Variants in IGFN1 observed in about 807,000 individuals in gnomAD.
IGFN1 encodes the protein immunoglobulin like and fibronectin type III domain containing 1.
IGFN1 carries 253 observed loss-of-function variants against 289.5 expected under a neutral mutation model. The ratio of observed to expected loss-of-function variants is 0.87; its 90% CI spans 0.79 to 0.97. The LOEUF (loss-of-function observed/expected upper bound fraction) is 0.97. Among genes scored for constraint, IGFN1 ranks in the 50% least tolerant of loss-of-function variants. The pLI, the probability that IGFN1 is intolerant of heterozygous loss-of-function variation, is 0.00. For synonymous variants in IGFN1, 1,706 were observed against 1,788.5 expected (o/e 0.95, Z 1.16); for missense variants, 4,470 against 4,686.1 (o/e 0.95, Z 1.35).
rs1667428347 is a variant in IGFN1 at position 201,206,487 on chromosome 1, G to A, written c.1594G>A (p.Gly532Arg). 1 of 1,551,298 alleles carries A rather than the reference G, an allele frequency of 6.4e-7. No individual in the cohort carries two copies. Among genetic ancestry groups the A allele is most frequent in the Admixed American group, 2.0e-5 (1 of 50,988 alleles). ...PHLQGESSES[G>R]LGLPEKQQQD... is the part of the protein sequence containing the mutation. ...TCTACAGGGAGAGAGCTCAGAATCAGGGTTGGGCCTCCCAGAAAAACAACA... is the reference window on the plus strand; with the variant it reads ...TCTACAGGGAGAGAGCTCAGAATCAAGGTTGGGCCTCCCAGAAAAACAACA... Residue 532 changes from glycine to arginine, a missense_variant, in exon 12 of 24, where the codon GGG becomes AGG. By Grantham distance (125) the Gly-to-Arg change is moderately radical. Transcript: ENST00000335211.
In IGFN1 at chr1:201,222,694, A is replaced by C. The variant is rs374824614; in HGVS notation, c.10202-45A>C. ...GCTGGGGACCTGGGGCTGGGGTCCA[A>C]CTGTGAGGGAGGAGGGAGGTAACCA... On this transcript the variant is annotated intron_variant, in intron 19 of 23. Transcript: ENST00000335211. The C allele has an allele frequency of 2.2e-4, 316 of 1,453,818 alleles. 1 individual carries two copies. The Middle Eastern group carries it at 3.0e-3, about 14-fold the overall frequency. The allele number at this position is 1,453,818 out of a possible 1,614,324, so 90.1% of individuals were successfully genotyped here.
At position 201,211,634 on chromosome 1, in the gene IGFN1, G is replaced by A. The variant is rs371152148; in HGVS notation, c.6741G>A (p.Glu2247=). 155 of 1,536,856 alleles carry A rather than the reference G, an allele frequency of 1.0e-4. No individual in the cohort carries two copies. In the African/African-American group the frequency reaches 1.9e-3, roughly 19 times the overall value. Residue 2247 remains glutamate, a synonymous_variant, in exon 12 of 24, where the codon GAG becomes GAA. Coordinates refer to ENST00000335211, the MANE Select transcript of IGFN1 (RefSeq NM_001164586.2). ...GSSGEMGSMD[E]ADYRKDLGAP... is the part of the protein sequence containing the mutation. ...CTGGGGAAATGGGGTCAATGGATGA[G>A]GCAGATTATAGGAAGGATTTGGGAG...
rs1461141651 is a variant in IGFN1 at position 201,207,861 on chromosome 1, G to A, written c.2968G>A (p.Gly990Ser). The change falls in exon 12 of 24, where the codon GGT becomes AGT. Residue 990 changes from glycine (G) to serine (S), a missense_variant. By Grantham distance (56) the Gly-to-Ser change is moderately conservative. Transcript: ENST00000335211. ...PGEMGSGHGA[G>S]CRVSPRAPAG... Reference sequence around the variant, plus strand: ...AGAAATGGGGTCCGGCCATGGTGCTGGTTGTAGAGTTTCCCCTAGGGCACC... The same window carrying A: ...AGAAATGGGGTCCGGCCATGGTGCTAGTTGTAGAGTTTCCCCTAGGGCACC... 1 of 1,536,292 alleles carries A rather than the reference G, an allele frequency of 6.5e-7. No homozygotes were observed. The highest frequency in any genetic ancestry group is 2.0e-5 in the Admixed American group (1 of 50,946).
intron 9 of IGFN1, among the ~76,000 whole-genome samples, 180 bp from the exon 10 acceptor site, chr1:201,203,558 G>C (rs565732233): frequency 1.3e-5 from 2 of 152,304 alleles, no homozygotes; most frequent in South Asian, 2.1e-4. Flanking sequence ...CACAATCCCT[G>C]TTCCCATGTT....
At position 201,212,664 on chromosome 1, in the gene IGFN1, A is replaced by T. The variant is rs1229861489; in HGVS notation, c.7771A>T (p.Ser2591Cys). 4 of 1,541,994 alleles carry T rather than the reference A, an allele frequency of 2.6e-6. No individual in the cohort carries two copies. Among genetic ancestry groups the T allele is most frequent in the Non-Finnish European group, 3.5e-6 (4 of 1,141,584 alleles). The part of the protein sequence containing the change: ...LLGGRRVGSG[S>C]SVGTGQDLDS... ...GGGAGGCAGAAGGGTAGGCTCAGGG[A>T]GTTCAGTGGGGACAGGTCAGGATCT... Residue 2591 changes from serine to cysteine, a missense_variant, in exon 12 of 24, where the codon AGT becomes TGT. Physicochemically the swap from Ser to Cys is moderately radical, Grantham distance 112. Transcript: ENST00000335211.
In IGFN1 at chr1:201,206,867, G is replaced by C; in HGVS notation, c.1974G>C (p.Gly658=). ...RGRGIVVWGG[G]TGLGEAGDSN... ...GAGGAATAGTAGTGTGGGGTGGTGG[G>C]ACTGGCCTGGGAGAAGCTGGAGACA... is the stretch of plus-strand genomic sequence containing the variant. The change falls in exon 12 of 24, where the codon GGG becomes GGC. Residue 658 remains glycine, a synonymous_variant. Coordinates refer to ENST00000335211, the MANE Select transcript of IGFN1 (RefSeq NM_001164586.2). 1 of 1,536,478 alleles carries C rather than the reference G, an allele frequency of 6.5e-7. No individual in the cohort carries two copies. The highest frequency in any genetic ancestry group is 8.7e-7 in the Non-Finnish European group (1 of 1,146,562).
At chr1:201,195,041 A>G (rs1442942812) in intron 3 of IGFN1, among the ~76,000 whole-genome samples, 1 of 152,080 alleles carries the variant, frequency 6.6e-6, no homozygotes, top group African/African-American at 2.4e-5. Context: ...CTGAGGCTGA[A>G]GCCTGTGTCT....
intron 10 of IGFN1, among the ~76,000 whole-genome samples, chr1:201,204,573 T>A (rs1318472501): frequency 6.6e-6 from 1 of 152,182 alleles, no homozygotes; most frequent in African/African-American, 2.4e-5. Flanking sequence ...GGTGCCCAGA[T>A]GGGGCTTTGG....
Position 201,225,920 on chromosome 1 carries a change from T to TCC in IGFN1, c.10585_10586dup (p.Leu3530ArgfsTer72). 1 of 1,608,770 alleles carries TCC rather than the reference T, an allele frequency of 6.2e-7. No homozygotes were observed. Among genetic ancestry groups the TCC allele is most frequent in the East Asian group, 2.2e-5 (1 of 44,846 alleles). ...CCCTCTCCTGACGAGGCCCAGGATG[T>TCC]CCCGCTGCACTACGCGGTGTTCACA... On this transcript the variant is annotated frameshift_variant, in exon 22 of 24. Transcript: ENST00000335211. LOFTEE classifies it high-confidence loss of function.
chr1:201,202,108 G>A (rs1405861020), intron 9 of IGFN1, among the ~76,000 whole-genome samples: 2 of 152,172 alleles, frequency 1.3e-5, no homozygotes, highest in Non-Finnish European at 2.9e-5. Context: ...GCACGGGGGT[G>A]AAAAGAGGGT....
Position 201,209,570 on chromosome 1 carries a change from G to C in IGFN1, c.4677G>C (p.Gly1559=). 6.5e-7 allele frequency: 1 copy of C among 1,526,942 alleles called. No homozygotes were observed. Among genetic ancestry groups the C allele is most frequent in the South Asian group, 1.2e-5 (1 of 83,682 alleles). 94.6% of individuals were successfully genotyped at this position (1,526,942 alleles called of 1,614,324 possible). ...TDGLGGSEEM[G]SVNKAGYRKD... ...GTTTAGGAGGTTCTGAAGAAATGGG[G>C]TCAGTGAATAAGGCAGGTTATAGGA... is the stretch of plus-strand genomic sequence containing the variant. Residue 1559 remains glycine, a synonymous_variant, in exon 12 of 24, where the codon GGG becomes GGC. Coordinates refer to ENST00000335211, the MANE Select transcript of IGFN1 (RefSeq NM_001164586.2).
rs1218666172 is a variant in IGFN1, at chr1:201,205,342, C to T, written c.1177C>T (p.Leu393=). Residue 393 remains leucine, a synonymous_variant, in exon 11 of 24, where the codon CTG becomes TTG. Transcript: ENST00000335211. ...GTGLYTSSAW[L]VVEAGKDKDL... ...CGGGCTCTACACTTCCAGCGCCTGG[C>T]TGGTGGTTGAAGGTGAGTGCTTCAA... 1 of 1,536,982 alleles carries T rather than the reference C, an allele frequency of 6.5e-7. No individual in the cohort carries two copies. The highest frequency in any genetic ancestry group is 1.2e-5 in the South Asian group (1 of 82,716).
Position 201,207,551 on chromosome 1 carries a change from A to G in IGFN1, c.2658A>G (p.Arg886=), listed in dbSNP as rs945992557. Residue 886 remains arginine (R), a synonymous_variant, in exon 12 of 24, where the codon AGA becomes AGG. Transcript: ENST00000335211. Reference sequence around the variant, plus strand: ...AGTCTGGTCAGGGGGTGGATGCCAGAAGCCACTGGCTAAGTAGGGCTCCAG... The same window carrying G: ...AGTCTGGTCAGGGGGTGGATGCCAGGAGCCACTGGCTAAGTAGGGCTCCAG... ...LTESGQGVDA[R]SHWLSRAPGL... is the part of the protein sequence containing the mutation. The G allele has an allele frequency of 6.5e-7, 1 of 1,536,904 alleles. No homozygotes were observed. Among genetic ancestry groups the G allele is most frequent in the Non-Finnish European group, 8.7e-7 (1 of 1,146,822 alleles).
Position 201,225,835 on chromosome 1 carries a change from G to A in IGFN1, c.10498G>A (p.Ala3500Thr), listed in dbSNP as rs766184062. 6.2e-6 allele frequency: 10 copies of A among 1,611,532 alleles called. No homozygotes were observed. The African/African-American group carries it at 1.2e-4, about 19-fold the overall frequency. ...FRIRVAACPQ[A>T]PGPIHLQENV... ...CGTCTCTCCTGAAGCATGCCCGCAG[G>A]CCCCTGGGCCCATCCACCTGCAGGA... is the stretch of plus-strand genomic sequence containing the variant. Residue 3500 changes from alanine (A) to threonine (T), a missense_variant, in exon 22 of 24, where the codon GCC (alanine) becomes ACC (threonine). Transcript: ENST00000335211.
At chr1:201,220,971 A>T (rs571310078) in intron 18 of IGFN1, among the ~76,000 whole-genome samples, 1 of 152,274 alleles carries the variant, frequency 6.6e-6, no homozygotes, top group East Asian at 1.9e-4. Context: ...CTCTGTGGGT[A>T]GGTGGGGCTA....
At position 201,210,604 on chromosome 1, in the gene IGFN1, G is replaced by T; in HGVS notation, c.5711G>T (p.Ser1904Ile). The change falls in exon 12 of 24, where the codon AGT becomes ATT. Residue 1904 changes from serine (S) to isoleucine (I), a missense_variant. Transcript: ENST00000335211. ...LWAPEGIGSG[S>I]KAGFRDGLGS... The stretch of plus-strand genomic sequence containing the variant: ...GCTCCTGAGGGAATAGGTTCAGGAA[G>T]TAAGGCAGGTTTTAGGGATGGTTTA... 1 of 1,423,836 alleles carries T rather than the reference G, an allele frequency of 7.0e-7. No homozygotes were observed. Among genetic ancestry groups the T allele is most frequent in the Non-Finnish European group, 9.2e-7 (1 of 1,085,064 alleles). 88.2% of individuals were successfully genotyped at this position (1,423,836 alleles called of 1,614,324 possible). A position where few individuals can be genotyped will look rare whatever the true frequency, so the allele number is the denominator to read the frequency against.
chr1:201,222,977 G>A lies in IGFN1; in HGVS notation c.10290+150G>A, dbSNP rs1571495201. On this transcript the variant is annotated intron_variant, in intron 20 of 23. Coordinates refer to ENST00000335211, the MANE Select transcript of IGFN1 (RefSeq NM_001164586.2). Reference sequence around the variant, plus strand: ...CTGACTGGGCTTGTGGAAATCAGGTGAGAGACATGAGGCAGGAAGGATTCA... The same window carrying A: ...CTGACTGGGCTTGTGGAAATCAGGTAAGAGACATGAGGCAGGAAGGATTCA... 3 of 527,486 alleles carry A rather than the reference G, an allele frequency of 5.7e-6. No homozygotes were observed. The East Asian group carries it at 9.4e-5, about 17-fold the overall frequency. 32.7% of individuals were successfully genotyped at this position (527,486 alleles called of 1,614,324 possible). A position where few individuals can be genotyped will look rare whatever the true frequency, so the allele number is the denominator to read the frequency against.
chr1:201,228,017 T>G (rs932815003), intron 23 of IGFN1, among the ~76,000 whole-genome samples: 2 of 152,228 alleles, frequency 1.3e-5, no homozygotes, highest in Admixed American at 6.5e-5. Flanking sequence ...ATATTTTGAA[T>G]AGCAATAAAA....
In IGFN1 at chr1:201,209,391, G is replaced by C; in HGVS notation, c.4498G>C (p.Gly1500Arg). The C allele has an allele frequency of 1.3e-6, 2 of 1,519,986 alleles. No individual in the cohort carries two copies. Among genetic ancestry groups the C allele is most frequent in the Non-Finnish European group, 1.8e-6 (2 of 1,139,314 alleles). The allele number at this position is 1,519,986 out of a possible 1,614,324, so 94.2% of individuals were successfully genotyped here. The change falls in exon 12 of 24, where the codon GGG becomes CGG. Residue 1500 changes from glycine to arginine, a missense_variant. By Grantham distance (125) the Gly-to-Arg change is moderately radical. Transcript: ENST00000335211. ...TGAGGCAGGCTATAGGAAAGATTTG[G>C]GGGTTTCTGAGGGAGGGGGTTCAGG... ...LIEAGYRKDL[G>R]VSEGGGSGSK...
Sources: allele counts gnomAD v4.1 joint callset (sites outside exome capture counted in the v4.1 genomes callset), GRCh38; gene constraint gnomAD v4.1.1; transcripts MANE v1.5; gene names NCBI Gene and HGNC (gene_info 2026-07-23, HGNC 2026-07-21).